Variants in FAM151B observed in about 807,000 individuals in gnomAD.
FAM151B encodes the protein family with sequence similarity 151 member B.
A neutral mutation model predicts 31.2 loss-of-function variants in FAM151B; 24 were observed. The observed-to-expected ratio is 0.77, with a 90% CI of 0.56 to 1.08. The LOEUF is 1.08. Ranked by LOEUF, FAM151B falls within the 50% of genes least tolerant of loss-of-function variation. The pLI is 0.00. For synonymous variants in FAM151B, 105 were observed against 111.4 expected (o/e 0.94, Z 0.36); for missense variants, 293 against 328.6 (o/e 0.89, Z 0.84).
chr5:80,499,211 G>A (rs1743654262), intron 1 of FAM151B, among the ~76,000 whole-genome samples: 1 of 152,062 alleles, frequency 6.6e-6, no homozygotes, highest in Non-Finnish European at 1.5e-5. Context: ...CTTCTTTTAT[G>A]TTATGATATA....
intron 2 of FAM151B, among the ~76,000 whole-genome samples, chr5:80,509,508 T>G (rs1418411555): frequency 2.6e-5 from 4 of 152,204 alleles, no homozygotes; most frequent in Non-Finnish European, 5.9e-5. Flanking sequence ...AATGTCTGTT[T>G]ATTATAAATT....
chr5:80,527,703 C>G (rs1290234536), intron 5 of FAM151B, among the ~76,000 whole-genome samples: 1 of 152,032 alleles, frequency 6.6e-6, no homozygotes, highest in African/African-American at 2.4e-5. Context: ...GGGCACTTAC[C>G]ATTTCCGGAG....
At chr5:80,514,626 A>G (rs1293534715) in intron 3 of FAM151B, among the ~76,000 whole-genome samples, 1 of 152,022 alleles carries the variant, frequency 6.6e-6, no homozygotes, top group Non-Finnish European at 1.5e-5. Context: ...TGTAAAAATG[A>G]TAAAGAAAGC....
At chr5:80,517,706 C>CA (rs1744519605) in intron 3 of FAM151B, among the ~76,000 whole-genome samples, 1 of 152,174 alleles carries the variant, frequency 6.6e-6, no homozygotes, top group Non-Finnish European at 1.5e-5. Context: ...TTTAACTGCA[C>CA]AGTGCTTCGC....
At chr5:80,540,182 AT>A (rs1745814656) in intron 5 of FAM151B, among the ~76,000 whole-genome samples, 1 of 152,076 alleles carries the variant, frequency 6.6e-6, no homozygotes, top group African/African-American at 2.4e-5. Flanking sequence ...CATGCATTGA[AT>A]TTAGTTATCG....
chr5:80,500,937 A>G (rs151277134), intron 1 of FAM151B: 2 of 737,558 alleles, frequency 2.7e-6, no homozygotes, highest in African/African-American at 1.7e-5. Context: ...ACTTCAAAGA[A>G]GCAAATAACT....
At chr5:80,537,567 G>A (rs180723647) in intron 5 of FAM151B, among the ~76,000 whole-genome samples, 95 of 152,172 alleles carry the variant, frequency 6.2e-4, no homozygotes, top group Non-Finnish European at 1.3e-3. Flanking sequence ...GTTTCAGTGG[G>A]GTAGACAAGG....
chr5:80,525,875 CAT>C (rs34660139), intron 5 of FAM151B, among the ~76,000 whole-genome samples: 110,702 of 148,030 alleles, frequency 0.75, 41,104 homozygotes, highest in African/African-American at 0.79. Context: ...TGCCTGTATG[CAT>C]ATATATATAT....
chr5:80,510,397 T>A (rs2112621555), intron 2 of FAM151B, among the ~76,000 whole-genome samples: 1 of 152,334 alleles, frequency 6.6e-6, no homozygotes, highest in African/African-American at 2.4e-5. Context: ...CTTTACATGG[T>A]GGCTGGATTT....
At chr5:80,507,448 A>C (rs1466398468) in intron 2 of FAM151B, among the ~76,000 whole-genome samples, 1 of 152,156 alleles carries the variant, frequency 6.6e-6, no homozygotes, top group Non-Finnish European at 1.5e-5. Flanking sequence ...TGGGAGGCCA[A>C]GGCAGGTGGA....
chr5:80,504,633 G>T (rs569270906), intron 2 of FAM151B, among the ~76,000 whole-genome samples: 1 of 145,236 alleles, frequency 6.9e-6, no homozygotes, highest in Non-Finnish European at 1.5e-5. Flanking sequence ...CCATCCTCCT[G>T]CCTCAGCCTC....
At position 80,513,701 on chromosome 5, in the gene FAM151B, T is replaced by C; in HGVS notation, c.249T>C (p.Asp83=). 1 of 1,614,136 alleles carries C rather than the reference T, an allele frequency of 6.2e-7. No individual in the cohort carries two copies. Among genetic ancestry groups the C allele is most frequent in the Non-Finnish European group, 8.5e-7 (1 of 1,180,022 alleles). ...CCCATCCCCCTGAAACAAACAGTGA[T>C]AATACTCTACAGGAGTGGCTGACTG... ...IMAHPPETNS[D]NTLQEWLTEV... is the part of the protein sequence containing the mutation. The change falls in exon 3 of 6, where the codon GAT becomes GAC. Residue 83 remains aspartate, a synonymous_variant. Transcript: ENST00000282226.
chr5:80,504,915 C>G (rs73123419), intron 2 of FAM151B, among the ~76,000 whole-genome samples: 65 of 152,316 alleles, frequency 4.3e-4, no homozygotes, highest in African/African-American at 1.5e-3. Context: ...ACTAGATCAT[C>G]TATCTTTCTG....
chr5:80,532,333 T>G (rs938486090), intron 5 of FAM151B, among the ~76,000 whole-genome samples: 8 of 151,960 alleles, frequency 5.3e-5, no homozygotes, highest in African/African-American at 1.9e-4. Context: ...CTAACCTGCA[T>G]GTTGTGCACA....
chr5:80,503,312 T>C (rs934731912), intron 2 of FAM151B, among the ~76,000 whole-genome samples: 3 of 152,218 alleles, frequency 2.0e-5, no homozygotes, highest in African/African-American at 7.2e-5. Context: ...CTCATGCCTG[T>C]AATCCCAGCA....
At chr5:80,501,231 G>C in intron 1 of FAM151B, 1 of 360,272 alleles carries the variant, frequency 2.8e-6, no homozygotes, top group Admixed American at 3.9e-5. Context: ...TGTTGGCCAG[G>C]CTGCTCTCCA....
intron 1 of FAM151B, among the ~76,000 whole-genome samples, chr5:80,492,452 G>T (rs1220578671): frequency 6.6e-6 from 1 of 152,110 alleles, no homozygotes; most frequent in Non-Finnish European, 1.5e-5. Flanking sequence ...CATGCTGGCC[G>T]GCTTGGCGAG....
At chr5:80,498,838 T>C in intron 1 of FAM151B, 1 of 409,680 alleles carries the variant, frequency 2.4e-6, no homozygotes, top group Admixed American at 2.8e-5. Context: ...GTACCTCCAT[T>C]TTCCAGTTGC....
chr5:80,500,851 A>C, intron 1 of FAM151B: 1 of 1,084,040 alleles, frequency 9.2e-7, no homozygotes, highest in Admixed American at 1.7e-5. Context: ...TAACACTTTG[A>C]TTGTTCCATC....
Sources: allele counts gnomAD v4.1 joint callset (sites outside exome capture counted in the v4.1 genomes callset), GRCh38; gene constraint gnomAD v4.1.1; transcripts MANE v1.5; gene names NCBI Gene and HGNC (gene_info 2026-07-23, HGNC 2026-07-21).